Variants in ZCCHC7 observed in about 807,000 individuals in gnomAD.
The protein encoded by ZCCHC7 is zinc finger CCHC domain-containing protein 7.
Under a neutral mutation model 52.0 loss-of-function variants are expected in ZCCHC7, and 35 were observed. The observed-to-expected ratio is 0.67, with a 90% CI of 0.51 to 0.89. The LOEUF is 0.89. ZCCHC7 is among the 40% of genes least tolerant of loss of function. The pLI, the probability that ZCCHC7 is intolerant of heterozygous loss-of-function variation, is 0.00. For missense variants in ZCCHC7, 574 were observed against 649.1 expected (o/e 0.88, Z 1.26); for synonymous variants, 217 against 221.5 (o/e 0.98, Z 0.18).
chr9:37,195,789 C>G (rs1018488405), intron 2 of ZCCHC7, among the ~76,000 whole-genome samples: 3 of 152,110 alleles, frequency 2.0e-5, no homozygotes, highest in African/African-American at 7.2e-5. Context: ...AGTCCAAATT[C>G]TGAGGAGTAA....
In ZCCHC7 at chr9:37,304,293, A is replaced by G. The variant is rs186057500; in HGVS notation, c.760A>G (p.Lys254Glu). The change falls in exon 4 of 9, where the codon AAA becomes GAA. Residue 254 changes from lysine to glutamate, a missense_variant. Physicochemically the swap from Lys to Glu is moderately conservative, Grantham distance 56. Coordinates refer to ENST00000336755, the MANE Select transcript of ZCCHC7 (RefSeq NM_032226.3). ...TTGTGACAAACGTGGTCATTTATCA[A>G]AAAACTGCCCCTTACCACGAGTACG... The part of the protein sequence containing the change: ...RNCDKRGHLS[K>E]NCPLPRKVRR... 15 of 1,613,708 alleles carry G rather than the reference A, an allele frequency of 9.3e-6. No individual in the cohort carries two copies. Among genetic ancestry groups the G allele is most frequent in the African/African-American group, 5.3e-5 (4 of 75,002 alleles).
chr9:37,314,107 AC>A (rs1190914446), intron 5 of ZCCHC7, among the ~76,000 whole-genome samples: 1 of 152,212 alleles, frequency 6.6e-6, no homozygotes. Context: ...TTAGCAGCTT[AC>A]TAGCAAGCTT....
At chr9:37,158,131 A>G (rs1484121403) in intron 2 of ZCCHC7, among the ~76,000 whole-genome samples, 2 of 152,260 alleles carry the variant, frequency 1.3e-5, no homozygotes, top group East Asian at 3.8e-4. Context: ...ATGTTTTATA[A>G]AACAAATTGA....
rs575701933 is a variant in ZCCHC7, at chr9:37,180,031, A to G, written c.610+53089A>G. Reference sequence around the variant, plus strand: ...AGGCCATAAGGACAAGGAGAAAGATAGGAAAAACCAAAATGGTTATTTTTT... The same window carrying G: ...AGGCCATAAGGACAAGGAGAAAGATGGGAAAAACCAAAATGGTTATTTTTT... On this transcript the variant is annotated intron_variant, in intron 2 of 8. Coordinates refer to ENST00000336755, the MANE Select transcript of ZCCHC7 (RefSeq NM_032226.3). Among the ~76,000 whole-genome samples the G allele has an allele frequency of 2.0e-5, 3 of 152,302 alleles. No individual in the cohort carries two copies. In the South Asian group the frequency reaches 6.2e-4, roughly 32 times the overall value.
chr9:37,221,407 A>G (rs1205022727), intron 2 of ZCCHC7, among the ~76,000 whole-genome samples: 2 of 152,226 alleles, frequency 1.3e-5, no homozygotes, highest in African/African-American at 4.8e-5. Flanking sequence ...CCATGGTTAA[A>G]TATTTGAATA....
At chr9:37,205,426 TACTTTAATAC>T (rs1256681546) in intron 2 of ZCCHC7, 1 of 158,310 alleles carries the variant, frequency 6.3e-6, no homozygotes, top group Non-Finnish European at 1.4e-5. Context: ...ACAACTAGTA[TACTTTAATAC>T]ACTTTAAAGT....
Position 37,154,745 on chromosome 9 carries a change from T to G in ZCCHC7, c.610+27803T>G, listed in dbSNP as rs536913767. The stretch of plus-strand genomic sequence containing the variant: ...CCTAGGCTCAAGCCATCTATCTGCC[T>G]CTGCCTCCCCAATGCTGGGATTACA... On this transcript the variant is annotated intron_variant, in intron 2 of 8. Coordinates refer to ENST00000336755, the MANE Select transcript of ZCCHC7 (RefSeq NM_032226.3). Among the ~76,000 whole-genome samples the G allele has an allele frequency of 2.0e-5, 3 of 152,204 alleles. No homozygotes were observed. The East Asian group carries it at 5.8e-4, about 29-fold the overall frequency.
intron 2 of ZCCHC7, among the ~76,000 whole-genome samples, chr9:37,253,171 T>TA (rs1826413105): frequency 6.6e-6 from 1 of 152,074 alleles, no homozygotes; most frequent in African/African-American, 2.4e-5. Flanking sequence ...ATTGAATTTT[T>TA]ATTAAAAAAT....
intron 2 of ZCCHC7, among the ~76,000 whole-genome samples, chr9:37,272,356 T>C (rs894883937): frequency 1.3e-5 from 2 of 152,162 alleles, no homozygotes; most frequent in Non-Finnish European, 2.9e-5. Flanking sequence ...ATTTAATGTT[T>C]ATTATTCCTA....
chr9:37,134,918 G>C lies in ZCCHC7; in HGVS notation c.610+7976G>C, dbSNP rs538458087. Among the ~76,000 whole-genome samples, 26 of 151,986 alleles carry C rather than the reference G, an allele frequency of 1.7e-4. 1 individual carries two copies. The East Asian group carries it at 4.1e-3, about 24-fold the overall frequency. On this transcript the variant is annotated intron_variant, in intron 2 of 8. Coordinates refer to ENST00000336755, the MANE Select transcript of ZCCHC7 (RefSeq NM_032226.3). ...TTTTTGTATTTTTAGTAGAGATGGG[G>C]GTTTCTCCATGCTGGTCAGGCTGGC...
intron 2 of ZCCHC7, among the ~76,000 whole-genome samples, chr9:37,266,845 G>T (rs890849880): frequency 2.0e-4 from 30 of 152,210 alleles, no homozygotes; most frequent in African/African-American, 7.2e-4. Context: ...CTGCACTCCA[G>T]CCTGGGCAAT....
chr9:37,306,193 G>A (rs1040380460), intron 5 of ZCCHC7, among the ~76,000 whole-genome samples: 3 of 151,296 alleles, frequency 2.0e-5, no homozygotes, highest in East Asian at 2.0e-4. Context: ...TCAGCCTCCC[G>A]AGTAGCTGGG....
chr9:37,210,665 C>A (rs1824169639), intron 2 of ZCCHC7, among the ~76,000 whole-genome samples: 1 of 152,166 alleles, frequency 6.6e-6, no homozygotes, highest in Non-Finnish European at 1.5e-5. Flanking sequence ...CCCCAACCTA[C>A]TTTTTAAAAT....
At chr9:37,300,389 C>T (rs1828974807) in intron 2 of ZCCHC7, among the ~76,000 whole-genome samples, 1 of 152,124 alleles carries the variant, frequency 6.6e-6, no homozygotes, top group African/African-American at 2.4e-5. Flanking sequence ...TACATGGATC[C>T]TTTGAATGAA....
intron 2 of ZCCHC7, among the ~76,000 whole-genome samples, chr9:37,291,496 G>A (rs1828535063): frequency 6.6e-6 from 1 of 151,924 alleles, no homozygotes; most frequent in African/African-American, 2.4e-5. Context: ...TATGATATTT[G>A]TGCATCTAAA....
At chr9:37,298,892 C>A (rs1327438563) in intron 2 of ZCCHC7, among the ~76,000 whole-genome samples, 1 of 152,188 alleles carries the variant, frequency 6.6e-6, no homozygotes, top group Non-Finnish European at 1.5e-5. Flanking sequence ...CCTTCTCTTA[C>A]TCTTTCTTTC....
At chr9:37,240,850 G>A (rs572243395) in intron 2 of ZCCHC7, among the ~76,000 whole-genome samples, 81 of 151,778 alleles carry the variant, frequency 5.3e-4, no homozygotes, top group Middle Eastern at 3.4e-3. Flanking sequence ...ACCCAACTAC[G>A]ATTAAAAACA....
chr9:37,166,552 T>C (rs1418566137), intron 2 of ZCCHC7, among the ~76,000 whole-genome samples: 1 of 152,148 alleles, frequency 6.6e-6, no homozygotes, highest in African/African-American at 2.4e-5. Context: ...TTTAACTTTT[T>C]AAACTTTTTT....
chr9:37,324,076 CTCTTTAT>C (rs1292667885), intron 5 of ZCCHC7, among the ~76,000 whole-genome samples: 1 of 152,166 alleles, frequency 6.6e-6, no homozygotes, highest in Non-Finnish European at 1.5e-5. Context: ...CTGAATTATT[CTCTTTAT>C]TCTTTATTTA....
Sources: gnomAD v4.1 joint callset for allele counts (sites outside exome capture counted in the v4.1 genomes callset) on GRCh38, gnomAD v4.1.1 for gene constraint, MANE v1.5 for transcripts, NCBI Gene and HGNC (gene_info 2026-07-23, HGNC 2026-07-21) for gene names.